PLCH1: variants seen among roughly 807,000 people sequenced by gnomAD.
The protein encoded by PLCH1 is phospholipase C eta 1.
In PLCH1, 60 loss-of-function variants were observed where a neutral mutation model predicts 126.7. The ratio of observed to expected loss-of-function variants is 0.47; its 90% CI spans 0.38 to 0.59. PLCH1 has a LOEUF of 0.59. PLCH1 is among the 20% of genes least tolerant of loss of function. The pLI, the probability that PLCH1 is intolerant of heterozygous loss-of-function variation, is 0.00. For missense variants in PLCH1, 1,723 were observed against 2,040.0 expected (o/e 0.84, Z 2.99); for synonymous variants, 719 against 734.9 (o/e 0.98, Z 0.35).
chr3:155,662,012 A>C (rs1742216171), intron 2 of PLCH1, among the ~76,000 whole-genome samples: 1 of 152,232 alleles, frequency 6.6e-6, no homozygotes, highest in East Asian at 1.9e-4. Context: ...AATCAGCAGA[A>C]TCTACCTGAG....
chr3:155,545,443 G>T (rs1266167609), intron 10 of PLCH1, among the ~76,000 whole-genome samples: 1 of 147,916 alleles, frequency 6.8e-6, no homozygotes. Flanking sequence ...ATTCAAAGCC[G>T]AATTCTACCA....
intron 10 of PLCH1, among the ~76,000 whole-genome samples, chr3:155,526,482 T>TCACACACA (rs1474881774): frequency 2.2e-5 from 2 of 92,926 alleles, no homozygotes; most frequent in African/African-American, 4.4e-5. Flanking sequence ...TCTTTCTCTC[T>TCACACACA]CTCTCATACA....
At chr3:155,617,889 A>T (rs900730883) in intron 2 of PLCH1, among the ~76,000 whole-genome samples, 1 of 152,170 alleles carries the variant, frequency 6.6e-6, no homozygotes, top group Admixed American at 6.5e-5. Flanking sequence ...AGGAGCCCCA[A>T]GTTAACTTTG....
chr3:155,615,927 T>C (rs556838065), intron 2 of PLCH1, among the ~76,000 whole-genome samples: 1 of 152,128 alleles, frequency 6.6e-6, no homozygotes, highest in South Asian at 2.1e-4. Context: ...TTTTAAAAAT[T>C]AGACATTTGG....
chr3:155,541,752 T>A (rs78052213), intron 10 of PLCH1, among the ~76,000 whole-genome samples: 3,336 of 152,164 alleles, frequency 0.022, 133 homozygotes, highest in African/African-American at 0.077. Flanking sequence ...AGTGAGCCCA[T>A]ACTTTTGGAA....
chr3:155,471,012 CA>C (rs1713198555), intron 21 of PLCH1, among the ~76,000 whole-genome samples: 1 of 151,348 alleles, frequency 6.6e-6, no homozygotes, highest in African/African-American at 2.4e-5. Context: ...GAAGAAAGTG[CA>C]TCAACTAACG....
At chr3:155,686,712 C>T (rs1343641907) in intron 2 of PLCH1, among the ~76,000 whole-genome samples, 1 of 152,174 alleles carries the variant, frequency 6.6e-6, no homozygotes, top group East Asian at 1.9e-4. Context: ...CAGGCATCTC[C>T]CATATGCAAG....
intron 2 of PLCH1, among the ~76,000 whole-genome samples, chr3:155,664,339 T>G (rs1216748391): frequency 3.3e-5 from 5 of 152,216 alleles, no homozygotes; most frequent in African/African-American, 1.2e-4. Flanking sequence ...ATTTCAACCC[T>G]TCGGTCAAGA....
intron 15 of PLCH1, among the ~76,000 whole-genome samples, chr3:155,496,317 T>C (rs1207740957): frequency 6.6e-6 from 1 of 152,234 alleles, no homozygotes; most frequent in East Asian, 1.9e-4. Flanking sequence ...AATGCAATCA[T>C]TCCCTGAGTT....
chr3:155,517,076 C>T (rs138722036), intron 11 of PLCH1, among the ~76,000 whole-genome samples: 1 of 152,066 alleles, frequency 6.6e-6, no homozygotes, highest in African/African-American at 2.4e-5. Flanking sequence ...GGAGGCCAAA[C>T]TGGGAGGATC....
intron 2 of PLCH1, among the ~76,000 whole-genome samples, chr3:155,673,936 C>A (rs1005939035): frequency 6.6e-6 from 1 of 152,142 alleles, no homozygotes; most frequent in African/African-American, 2.4e-5. Flanking sequence ...TATACATTAT[C>A]CTTATTTGTA....
intron 6 of PLCH1, among the ~76,000 whole-genome samples, chr3:155,583,099 T>C (rs1730922798): frequency 6.7e-6 from 1 of 149,942 alleles, no homozygotes; most frequent in Non-Finnish European, 1.5e-5. Flanking sequence ...TTTGACTAAA[T>C]TTATACTAAT....
chr3:155,647,567 TAC>T, intron 2 of PLCH1, among the ~76,000 whole-genome samples: 1 of 151,858 alleles, frequency 6.6e-6, no homozygotes, highest in Admixed American at 6.6e-5. Flanking sequence ...TAGGAAAAAA[TAC>T]AGAGTCTGAA....
chr3:155,455,956 G>A (rs928794004), intron 21 of PLCH1, among the ~76,000 whole-genome samples: 3 of 152,190 alleles, frequency 2.0e-5, no homozygotes, highest in African/African-American at 7.2e-5. Context: ...AGTGAAGCTG[G>A]AACATGCACG....
At chr3:155,503,668 G>T (rs1488135180) in intron 13 of PLCH1, among the ~76,000 whole-genome samples, 3 of 151,918 alleles carry the variant, frequency 2.0e-5, no homozygotes, top group Admixed American at 6.6e-5. Context: ...CTCCTGAGTA[G>T]CTGGGATTAC....
chr3:155,676,129 G>C, intron 2 of PLCH1: 1 of 1,389,828 alleles, frequency 7.2e-7, no homozygotes, highest in Non-Finnish European at 9.4e-7. Flanking sequence ...TTCCAAAAAG[G>C]GTGGGGGGAA....
intron 2 of PLCH1, among the ~76,000 whole-genome samples, chr3:155,688,545 A>G (rs1361444204): frequency 1.3e-5 from 2 of 152,196 alleles, no homozygotes; most frequent in Non-Finnish European, 2.9e-5. Context: ...AACCAAAAAT[A>G]AGGTAACAGC....
chr3:155,646,648 T>G (rs979071642), intron 2 of PLCH1, among the ~76,000 whole-genome samples: 1 of 152,184 alleles, frequency 6.6e-6, no homozygotes, highest in African/African-American at 2.4e-5. Flanking sequence ...TCTAAATGAC[T>G]TAGAGGGTAA....
intron 2 of PLCH1, among the ~76,000 whole-genome samples, chr3:155,668,193 T>A (rs1466519299): frequency 1.3e-5 from 2 of 152,046 alleles, no homozygotes; most frequent in African/African-American, 4.8e-5. Context: ...AGTTGAGAAC[T>A]TTCATCTGTT....
Sources: gnomAD v4.1 joint callset for allele counts (sites outside exome capture counted in the v4.1 genomes callset) on GRCh38, gnomAD v4.1.1 for gene constraint, MANE v1.5 for transcripts, NCBI Gene and HGNC (gene_info 2026-07-23, HGNC 2026-07-21) for gene names.